The following TBC1D8 variants were observed in gnomAD, a reference collection of about 807,000 sequenced individuals.
The protein encoded by TBC1D8 is BUB2-like protein 1.
TBC1D8 carries 65 observed loss-of-function variants against 118.8 expected under a neutral mutation model. The ratio of observed to expected loss-of-function variants is 0.55; its 90% CI spans 0.45 to 0.67. The LOEUF (loss-of-function observed/expected upper bound fraction) is 0.67, where lower values mean the gene tolerates loss of function less well. Among genes scored for constraint, TBC1D8 ranks in the 30% least tolerant of loss-of-function variants. The pLI, the probability that TBC1D8 is intolerant of heterozygous loss-of-function variation, is 0.00. For missense variants in TBC1D8, 1,376 were observed against 1,471.2 expected (o/e 0.94, Z 1.06); for synonymous variants, 566 against 595.8 (o/e 0.95, Z 0.73).
At chr2:101,118,055 A>T (rs1677911706) in intron 1 of TBC1D8, among the ~76,000 whole-genome samples, 2 of 151,450 alleles carry the variant, frequency 1.3e-5, no homozygotes, top group Non-Finnish European at 2.9e-5. Context: ...AGCAAATGCC[A>T]CTCTTATCAC....
chr2:101,012,418 C>T (rs929493913), intron 17 of TBC1D8, among the ~76,000 whole-genome samples: 1 of 151,836 alleles, frequency 6.6e-6, no homozygotes, highest in Non-Finnish European at 1.5e-5. Flanking sequence ...TTGAAAACAT[C>T]ATGCTAGGTG....
chr2:101,046,665 G>C, intron 5 of TBC1D8, among the ~76,000 whole-genome samples: 1 of 152,054 alleles, frequency 6.6e-6, no homozygotes. Context: ...AGAAAGAAGA[G>C]CAGGAAAAGG....
At chr2:101,123,184 C>G (rs184066801) in intron 1 of TBC1D8, among the ~76,000 whole-genome samples, 2 of 152,106 alleles carry the variant, frequency 1.3e-5, no homozygotes, top group African/African-American at 4.8e-5. Flanking sequence ...CCACAGTGAG[C>G]TATGGTCACC....
intron 17 of TBC1D8, among the ~76,000 whole-genome samples, chr2:101,014,124 G>T (rs955114909): frequency 6.6e-6 from 1 of 152,092 alleles, no homozygotes; most frequent in African/African-American, 2.4e-5. Context: ...TGACGATTTG[G>T]ATACCAGGAA....
chr2:101,054,375 G>A (rs1371394077), intron 3 of TBC1D8, 39 bp from the exon 4 acceptor site: 2 of 1,545,048 alleles, frequency 1.3e-6, no homozygotes, highest in African/African-American at 1.4e-5. Context: ...CAGTGAGCCA[G>A]CAATGGGAAG....
chr2:101,019,341 AC>A, intron 17 of TBC1D8: 1 of 255,778 alleles, frequency 3.9e-6, no homozygotes, highest in Admixed American at 5.1e-5. Context: ...TCATTTCGTA[AC>A]TAGTATGTCT....
chr2:101,094,100 C>A (rs548743099), intron 1 of TBC1D8, among the ~76,000 whole-genome samples: 1 of 152,088 alleles, frequency 6.6e-6, no homozygotes, highest in African/African-American at 2.4e-5. Context: ...CACACCCCAC[C>A]CCTGCAATCT....
rs1003818142 is a variant in TBC1D8 at position 101,040,351 on chromosome 2, G to A, written c.907C>T (p.Arg303Trp). 21 of 1,609,248 alleles carry A rather than the reference G, an allele frequency of 1.3e-5. No homozygotes were observed. The highest frequency in any genetic ancestry group is 6.7e-5 in the African/African-American group (5 of 74,846). Reference protein sequence around the residue: ...LEARAQNEFFRAFFRLPRKEK... With the variant: ...LEARAQNEFFWAFFRLPRKEK... ...TTCCTCGGCAACCTGAAGAAAGCCC[G>A]GAAGAACTCATTCTGTGCTCTGGCT... Residue 303 changes from arginine (R) to tryptophan (W), a missense_variant, in exon 6 of 20, where the codon CGG (arginine) becomes TGG (tryptophan). Coordinates refer to ENST00000409318, the MANE Select transcript of TBC1D8 (RefSeq NM_001330348.2).
intron 2 of TBC1D8, chr2:101,068,590 C>T (rs755350500): frequency 5.4e-6 from 3 of 555,554 alleles, no homozygotes; most frequent in Non-Finnish European, 9.8e-6. Context: ...AGAAAATGCA[C>T]CAAGCAGCAC....
At chr2:101,110,429 TA>T (rs1203680576) in intron 1 of TBC1D8, among the ~76,000 whole-genome samples, 2 of 152,004 alleles carry the variant, frequency 1.3e-5, no homozygotes, top group Admixed American at 6.6e-5. Context: ...CCACCTACAT[TA>T]AAGAAAGTAT....
chr2:101,068,120 G>A (rs1402881336), intron 2 of TBC1D8, among the ~76,000 whole-genome samples: 1 of 152,156 alleles, frequency 6.6e-6, no homozygotes, highest in African/African-American at 2.4e-5. Context: ...CACATCTGCA[G>A]TGACTCCCTC....
chr2:101,062,052 C>T (rs544036023), intron 2 of TBC1D8, among the ~76,000 whole-genome samples: 1 of 152,304 alleles, frequency 6.6e-6, no homozygotes, highest in South Asian at 2.1e-4. Context: ...CTTAAGTCTC[C>T]CTGCCCTGTT....
chr2:101,019,916 C>CA (rs1291650535), intron 17 of TBC1D8, among the ~76,000 whole-genome samples: 2 of 150,582 alleles, frequency 1.3e-5, no homozygotes, highest in Admixed American at 6.6e-5. Context: ...AAAAAAAATA[C>CA]AAAAAATTAG....
intron 4 of TBC1D8, among the ~76,000 whole-genome samples, chr2:101,050,908 TC>T (rs1682030996): frequency 6.6e-6 from 1 of 152,188 alleles, no homozygotes; most frequent in African/African-American, 2.4e-5. Context: ...TTCTCCCTCC[TC>T]CCACCCTCCA....
At chr2:101,046,843 C>T (rs1681738114) in intron 5 of TBC1D8, among the ~76,000 whole-genome samples, 2 of 152,150 alleles carry the variant, frequency 1.3e-5, no homozygotes, top group Admixed American at 1.3e-4. Context: ...AAGAGCCTGC[C>T]TCGTGGGAAA....
rs553050434 is a variant in TBC1D8 at position 101,021,935 on chromosome 2, G to C, written c.2762-189C>G. On this transcript the variant is annotated intron_variant, in intron 16 of 19. Coordinates refer to ENST00000409318, the MANE Select transcript of TBC1D8 (RefSeq NM_001330348.2). ...GGCTGGTGACTATGTGAGCTCCACG[G>C]AACTTTGTGAATGTTGTCTGGCCTC... 4.6e-5 allele frequency among the ~76,000 whole-genome samples: 7 copies of C among 152,288 alleles called. No homozygotes were observed. In the South Asian group the frequency reaches 1.4e-3, roughly 32 times the overall value.
chr2:101,117,634 C>T (rs1245742243), intron 1 of TBC1D8, among the ~76,000 whole-genome samples: 1 of 144,022 alleles, frequency 6.9e-6, no homozygotes, highest in African/African-American at 2.6e-5. Flanking sequence ...AGTGCAGTGG[C>T]GCCATCTCGG....
intron 17 of TBC1D8, chr2:101,018,881 T>C (rs1679846841): frequency 7.5e-7 from 1 of 1,336,690 alleles, no homozygotes; most frequent in Admixed American, 2.2e-5. Context: ...AAATGGCCAA[T>C]ATCCGTAGGT....
At chr2:101,135,330 C>T (rs549945804) in intron 1 of TBC1D8, among the ~76,000 whole-genome samples, 79 of 152,166 alleles carry the variant, frequency 5.2e-4, no homozygotes, top group African/African-American at 1.9e-3. Context: ...AATCAAAAGG[C>T]TGAAAGACGA....
Sources: gnomAD v4.1 joint callset for allele counts (sites outside exome capture counted in the v4.1 genomes callset) on GRCh38, gnomAD v4.1.1 for gene constraint, MANE v1.5 for transcripts, NCBI Gene and HGNC (gene_info 2026-07-23, HGNC 2026-07-21) for gene names.